Variants in C1QTNF7 observed in about 807,000 individuals in gnomAD.
The protein encoded by C1QTNF7 is C1q and TNF related 7.
In C1QTNF7, 15 loss-of-function variants were observed where a neutral mutation model predicts 19.6. The observed-to-expected ratio is 0.76, with a 90% CI of 0.51 to 1.18. The LOEUF is 1.18. C1QTNF7 is among the 50% of genes most tolerant of loss of function. C1QTNF7 has a pLI of 0.00. For synonymous variants in C1QTNF7, 142 were observed against 137.5 expected (o/e 1.03, Z -0.23); for missense variants, 324 against 359.7 (o/e 0.90, Z 0.80).
chr4:15,379,348 G>A (rs565121070), intron 1 of C1QTNF7, among the ~76,000 whole-genome samples: 2 of 152,238 alleles, frequency 1.3e-5, no homozygotes, highest in South Asian at 2.1e-4. Context: ...TTGTCCAGTC[G>A]ACAGAGAAGG....
intron 1 of C1QTNF7, among the ~76,000 whole-genome samples, chr4:15,407,913 G>A (rs547917913): frequency 2.0e-5 from 3 of 152,002 alleles, no homozygotes; most frequent in East Asian, 1.9e-4. Flanking sequence ...TGACAAGAGC[G>A]AAACTCTGTC....
intron 1 of C1QTNF7, among the ~76,000 whole-genome samples, chr4:15,357,311 A>C (rs1717178959): frequency 1.3e-5 from 2 of 152,234 alleles, no homozygotes; most frequent in East Asian, 1.9e-4. Context: ...AGTTTTCTGC[A>C]TATGGCTATC....
At chr4:15,380,197 C>A (rs1194809312) in intron 1 of C1QTNF7, among the ~76,000 whole-genome samples, 1 of 152,146 alleles carries the variant, frequency 6.6e-6, no homozygotes, top group Non-Finnish European at 1.5e-5. Context: ...ATAGGAATAC[C>A]TTTTAAAATT....
At chr4:15,385,106 G>C (rs879270295) in intron 1 of C1QTNF7, among the ~76,000 whole-genome samples, 1 of 152,184 alleles carries the variant, frequency 6.6e-6, no homozygotes, top group Non-Finnish European at 1.5e-5. Context: ...TCTTTGACTT[G>C]TTTTTTAGGA....
intron 2 of C1QTNF7, among the ~76,000 whole-genome samples, chr4:15,441,764 A>G (rs1040744622): frequency 6.6e-6 from 1 of 152,156 alleles, no homozygotes; most frequent in Admixed American, 6.5e-5. Context: ...GCTCATGCCT[A>G]TAATCCCAGC....
chr4:15,427,626 T>A (rs1385319659), upstream of C1QTNF7, among the ~76,000 whole-genome samples: 2 of 152,160 alleles, frequency 1.3e-5, no homozygotes, highest in Non-Finnish European at 2.9e-5. Context: ...CCATCCTAGG[T>A]CCAGAATCTA....
At chr4:15,349,069 TAC>T (rs1716813292) in intron 1 of C1QTNF7, among the ~76,000 whole-genome samples, 1 of 152,198 alleles carries the variant, frequency 6.6e-6, no homozygotes, top group Non-Finnish European at 1.5e-5. Context: ...AAGTGACACA[TAC>T]ATAAAAGAAT....
Position 15,428,121 on chromosome 4 carries a change from C to CT in C1QTNF7, c.-9+23dup, listed in dbSNP as rs111844393. The CT allele has an allele frequency of 4.3e-3, 4,199 of 981,940 alleles. 14 individuals carry two copies. The highest frequency in any genetic ancestry group is 4.7e-3 in the Non-Finnish European group (3,863 of 826,968). 60.8% of individuals were successfully genotyped at this position (981,940 alleles called of 1,614,324 possible). A position where few individuals can be genotyped will look rare whatever the true frequency, so the allele number is the denominator to read the frequency against. ...CTAAGAGCAAGGTATGGTGTTTACT[C>CT]TTTTTTTTAGAATTTTGGCAAATGT... On this transcript the variant is annotated intron_variant, in intron 1 of 2. Transcript: ENST00000444304.
At chr4:15,341,912 G>A (rs1176728656) in intron 1 of C1QTNF7, among the ~76,000 whole-genome samples, 2 of 152,208 alleles carry the variant, frequency 1.3e-5, no homozygotes, top group East Asian at 1.9e-4. Flanking sequence ...AAGCCGGAGC[G>A]CGAACTTCCT....
chr4:15,435,766 C>A lies in C1QTNF7; in HGVS notation c.23C>A (p.Thr8Lys), dbSNP rs766971574. The part of the protein sequence containing the change: MFVLLYV[T>K]SFAICASGQP... ...AAGATGTTTGTCTTGCTCTATGTTA[C>A]AAGTTTTGCCATTTGTGCCAGTGGA... is the stretch of plus-strand genomic sequence containing the variant. Residue 8 changes from threonine (T) to lysine (K), a missense_variant, in exon 2 of 3, where the codon ACA becomes AAA. By Grantham distance (78) the Thr-to-Lys change is moderately conservative. Transcript: ENST00000444304. 1.2e-6 allele frequency: 2 copies of A among 1,614,144 alleles called. No individual in the cohort carries two copies. Among genetic ancestry groups the A allele is most frequent in the South Asian group, 2.2e-5 (2 of 91,082 alleles).
At chr4:15,425,462 C>T (rs901231244), upstream of C1QTNF7, among the ~76,000 whole-genome samples, 12 of 152,038 alleles carry the variant, frequency 7.9e-5, no homozygotes, top group Non-Finnish European at 1.8e-4. Context: ...TGGCTTGCAG[C>T]TACTGGAGAT....
At chr4:15,371,585 C>T (rs996085650) in intron 1 of C1QTNF7, among the ~76,000 whole-genome samples, 14 of 151,920 alleles carry the variant, frequency 9.2e-5, no homozygotes, top group Non-Finnish European at 1.5e-5. Context: ...ATAACCACTA[C>T]AATAATAAAA....
chr4:15,442,782 G>A lies in C1QTNF7; in HGVS notation c.853G>A (p.Glu285Lys). ...CACAGATTACCTAGATTCCATATCAGAAGATGATGAATTGTGATCAGGACC... is the reference window on the plus strand; with the variant it reads ...CACAGATTACCTAGATTCCATATCAAAAGATGATGAATTGTGATCAGGACC... ...VDTDYLDSIS[E>K]DDEL Residue 285 changes from glutamate (E) to lysine (K), a missense_variant, in exon 3 of 3, where the codon GAA (glutamate) becomes AAA (lysine). By Grantham distance (56) the Glu-to-Lys change is moderately conservative. Coordinates refer to ENST00000444304, the MANE Select transcript of C1QTNF7 (RefSeq NM_031911.5). 4 of 1,607,418 alleles carry A rather than the reference G, an allele frequency of 2.5e-6. No homozygotes were observed. The highest frequency in any genetic ancestry group is 1.3e-5 in the African/African-American group (1 of 74,824).
intron 1 of C1QTNF7, among the ~76,000 whole-genome samples, chr4:15,378,092 A>G (rs1047558085): frequency 2.0e-5 from 3 of 152,222 alleles, no homozygotes; most frequent in African/African-American, 7.2e-5. Flanking sequence ...ATAAAATAAA[A>G]CAGAATAACA....
At chr4:15,340,467 G>A (rs184109360) in intron 1 of C1QTNF7, among the ~76,000 whole-genome samples, 13 of 152,126 alleles carry the variant, frequency 8.5e-5, no homozygotes, top group Admixed American at 2.6e-4. Flanking sequence ...AAATGTAAGC[G>A]GAGTCTTCAA....
At chr4:15,401,339 C>T (rs900342944) in intron 1 of C1QTNF7, among the ~76,000 whole-genome samples, 9 of 152,112 alleles carry the variant, frequency 5.9e-5, no homozygotes, top group East Asian at 1.9e-4. Flanking sequence ...ACTGGCCTCC[C>T]GGACACCAAA....
rs1291193545 is a variant in C1QTNF7 at position 15,417,619 on chromosome 4, TG to T, written c.14-18115del. On this transcript the variant is annotated intron_variant, in intron 1 of 2. Coordinates refer to the C1QTNF7 transcript ENST00000295297. ...TAGTGAGAACCTGTCTCTACAAATA[TG>T]GTGGCACACACCTGTGATTGCAGAT... 5.3e-5 allele frequency among the ~76,000 whole-genome samples: 8 copies of T among 152,240 alleles called. No homozygotes were observed. In the East Asian group the frequency reaches 1.5e-3, roughly 29 times the overall value.
intron 1 of C1QTNF7, among the ~76,000 whole-genome samples, chr4:15,394,192 G>A (rs574935813): frequency 2.2e-4 from 33 of 152,382 alleles, no homozygotes; most frequent in South Asian, 1.4e-3. Context: ...AGGAAAGTAC[G>A]TAAGGTAAAT....
intron 1 of C1QTNF7, among the ~76,000 whole-genome samples, chr4:15,385,466 G>A (rs1718299505): frequency 6.6e-6 from 1 of 152,218 alleles, no homozygotes; most frequent in Non-Finnish European, 1.5e-5. Context: ...AGGACAGAAG[G>A]CAGGATGGAC....
Sources: allele counts gnomAD v4.1 joint callset (sites outside exome capture counted in the v4.1 genomes callset), GRCh38; gene constraint gnomAD v4.1.1; transcripts MANE v1.5; gene names NCBI Gene and HGNC (gene_info 2026-07-23, HGNC 2026-07-21).